Variants in EPHA5 observed in about 807,000 individuals in gnomAD.
The protein encoded by EPHA5 is ephrin type-A receptor 5.
Under a neutral mutation model 105.0 loss-of-function variants are expected in EPHA5, and 60 were observed. The ratio of observed to expected loss-of-function variants is 0.57; its 90% CI spans 0.46 to 0.71. The LOEUF (loss-of-function observed/expected upper bound fraction) is 0.71, where lower values mean the gene tolerates loss of function less well. EPHA5 is among the 30% of genes least tolerant of loss of function. The pLI, the probability that EPHA5 is intolerant of heterozygous loss-of-function variation, is 0.00. For synonymous variants in EPHA5, 513 were observed against 449.1 expected (o/e 1.14, Z -1.80); for missense variants, 1,218 against 1,274.7 (o/e 0.96, Z 0.68).
At chr4:65,365,341 C>T (rs929505681) in intron 10 of EPHA5, 139 bp from the exon 11 acceptor site, 4 of 707,610 alleles carry the variant, frequency 5.7e-6, no homozygotes, top group Non-Finnish European at 9.3e-6. Context: ...AAAAAGCAGT[C>T]AGAAAAGGGT....
At chr4:65,561,549 C>T (rs1034027865) in intron 3 of EPHA5, among the ~76,000 whole-genome samples, 2 of 152,036 alleles carry the variant, frequency 1.3e-5, no homozygotes, top group Non-Finnish European at 2.9e-5. Context: ...GTCCATTGAT[C>T]ACATGTTCAC....
At chr4:65,658,585 A>G (rs1358684318) in intron 1 of EPHA5, among the ~76,000 whole-genome samples, 1 of 152,094 alleles carries the variant, frequency 6.6e-6, no homozygotes, top group Non-Finnish European at 1.5e-5. Context: ...ATTATTTACT[A>G]TATGCTAGAA....
At chr4:65,516,793 A>G (rs1319438261) in intron 3 of EPHA5, among the ~76,000 whole-genome samples, 1 of 152,008 alleles carries the variant, frequency 6.6e-6, no homozygotes, top group East Asian at 1.9e-4. Context: ...GACTCCATAC[A>G]ATGTTGACTA....
At position 65,323,323 on chromosome 4, in the gene EPHA5, T is replaced by C. The variant is rs1326659906; in HGVS notation, c.*791A>G. 1 of 229,720 alleles carries C rather than the reference T, an allele frequency of 4.4e-6. No homozygotes were observed. The highest frequency in any genetic ancestry group is 2.2e-5 in the African/African-American group (1 of 45,100). The allele number at this position is 229,720 out of a possible 1,614,324, so 14.2% of individuals were successfully genotyped here. ...TTCTGGAACACTTGCTCCTATATGT[T>C]GCTAAAATTGAAACACTATTAGAAA... On this transcript the variant is annotated 3_prime_UTR_variant, in exon 17 of 17. Coordinates refer to ENST00000613740, the MANE Select transcript of EPHA5 (RefSeq NM_001281766.3).
At position 65,639,018 on chromosome 4, in the gene EPHA5, A is replaced by T. The variant is rs546908898; in HGVS notation, c.246+4345T>A. Among the ~76,000 whole-genome samples the T allele has an allele frequency of 6.1e-4, 93 of 152,374 alleles. 2 individuals carry two copies. The highest frequency in any genetic ancestry group is 5.1e-4 in the Non-Finnish European group (35 of 68,034). ...TGAAAGCATAAATGCAAACAGCAGC[A>T]CTGTGTGTTTATTATTAAAACATGA... On this transcript the variant is annotated intron_variant, in intron 2 of 16. Transcript: ENST00000613740.
chr4:65,377,807 G>A (rs1323551893), intron 8 of EPHA5, among the ~76,000 whole-genome samples: 2 of 151,864 alleles, frequency 1.3e-5, no homozygotes, highest in Non-Finnish European at 1.5e-5. Flanking sequence ...GCACTTTATT[G>A]ATAGAAAACA....
intron 8 of EPHA5, among the ~76,000 whole-genome samples, chr4:65,375,868 T>G (rs111751637): frequency 9.7e-4 from 147 of 151,978 alleles, no homozygotes; most frequent in African/African-American, 2.8e-3. Flanking sequence ...TTGTATTTAG[T>G]TTGACACTGA....
chr4:65,386,174 C>T (rs1720063504), intron 8 of EPHA5, among the ~76,000 whole-genome samples: 1 of 151,712 alleles, frequency 6.6e-6, no homozygotes, highest in African/African-American at 2.4e-5. Context: ...TGCTACAATC[C>T]CACTAGTTTT....
intron 2 of EPHA5, among the ~76,000 whole-genome samples, chr4:65,606,706 T>G (rs1248095403): frequency 6.6e-6 from 1 of 152,238 alleles, no homozygotes; most frequent in Non-Finnish European, 1.5e-5. Context: ...AATAAGTTTT[T>G]ATTTTGTCAC....
intron 5 of EPHA5, among the ~76,000 whole-genome samples, chr4:65,444,334 T>C (rs1294797812): frequency 6.6e-6 from 1 of 152,172 alleles, no homozygotes; most frequent in Non-Finnish European, 1.5e-5. Flanking sequence ...CAGCATCTAT[T>C]ATATAGTACT....
intron 8 of EPHA5, among the ~76,000 whole-genome samples, chr4:65,378,356 T>C (rs988178915): frequency 6.6e-6 from 1 of 151,954 alleles, no homozygotes; most frequent in African/African-American, 2.4e-5. Flanking sequence ...GTATATCAGA[T>C]TATTAAAACA....
At chr4:65,612,051 A>G (rs149539134) in intron 2 of EPHA5, among the ~76,000 whole-genome samples, 21,018 of 119,824 alleles carry the variant, frequency 0.18, 2,679 homozygotes, top group Non-Finnish European at 0.27. Flanking sequence ...GAAAGAAAAG[A>G]AAAGAAAAGA....
At chr4:65,522,415 G>A (rs548354507) in intron 3 of EPHA5, among the ~76,000 whole-genome samples, 16 of 151,258 alleles carry the variant, frequency 1.1e-4, no homozygotes, top group African/African-American at 3.6e-4. Flanking sequence ...TACTGGCGAG[G>A]AAAAGAATTT....
chr4:65,561,519 GA>G (rs1739017291), intron 3 of EPHA5, among the ~76,000 whole-genome samples: 2 of 152,078 alleles, frequency 1.3e-5, no homozygotes, highest in African/African-American at 4.8e-5. Flanking sequence ...TGTGTTTCTA[GA>G]TTTAGGCTGT....
rs1349192633 is a variant in EPHA5, at chr4:65,420,560, A to G, written c.1408T>C (p.Ser470Pro). 1.2e-6 allele frequency: 2 copies of G among 1,612,360 alleles called. No homozygotes were observed. The highest frequency in any genetic ancestry group is 1.7e-6 in the Non-Finnish European group (2 of 1,179,266). ...VNVTTNQAAP[S>P]PVTNVKKGKI... ...CCTTTTTTCACATTGGTGACTGGAGATGGAGCTGCAAAATAGTTTAAATAA... is the reference window on the plus strand; with the variant it reads ...CCTTTTTTCACATTGGTGACTGGAGGTGGAGCTGCAAAATAGTTTAAATAA... Residue 470 changes from serine to proline, a missense_variant, in exon 6 of 17, where the codon TCT (serine) becomes CCT (proline). Coordinates refer to ENST00000613740, the MANE Select transcript of EPHA5 (RefSeq NM_001281766.3).
At chr4:65,624,539 A>G (rs1199940051) in intron 2 of EPHA5, among the ~76,000 whole-genome samples, 1 of 152,206 alleles carries the variant, frequency 6.6e-6, no homozygotes, top group Non-Finnish European at 1.5e-5. Flanking sequence ...TATTTTAATA[A>G]ATTTGAGGCT....
intron 2 of EPHA5, among the ~76,000 whole-genome samples, chr4:65,615,275 T>TA (rs143364011): frequency 0.31 from 46,335 of 151,496 alleles, 7,203 homozygotes; most frequent in Non-Finnish European, 0.33. Flanking sequence ...CAAATTTGAT[T>TA]TAAAAACTTA....
intron 1 of EPHA5, among the ~76,000 whole-genome samples, chr4:65,661,801 C>T (rs1385503356): frequency 6.6e-6 from 1 of 152,108 alleles, no homozygotes; most frequent in African/African-American, 2.4e-5. Context: ...CATTAACAAG[C>T]ATCCTGGAAA....
At chr4:65,454,624 G>A (rs1727396197) in intron 5 of EPHA5, among the ~76,000 whole-genome samples, 2 of 152,124 alleles carry the variant, frequency 1.3e-5, no homozygotes, top group Admixed American at 6.5e-5. Context: ...AGAGTTTTTT[G>A]AGAAAGAGTC....
Sources: allele counts gnomAD v4.1 joint callset (sites outside exome capture counted in the v4.1 genomes callset), GRCh38; gene constraint gnomAD v4.1.1; transcripts MANE v1.5; gene names NCBI Gene and HGNC (gene_info 2026-07-23, HGNC 2026-07-21).